ZFP62: variants seen among roughly 807,000 people sequenced by gnomAD.
The protein encoded by ZFP62 is zinc finger protein 62 homolog.
Under a neutral mutation model 56.4 loss-of-function variants are expected in ZFP62, and 44 were observed. The observed-to-expected ratio is 0.78, with a 90% confidence interval of 0.61 to 1.00. The LOEUF is 1.00. Ranked by LOEUF, ZFP62 falls within the 50% of genes least tolerant of loss-of-function variation. The pLI is 0.00. For missense variants in ZFP62, 1,030 were observed against 1,085.7 expected, an observed-to-expected ratio of 0.95 and a Z score of 0.72; for synonymous variants, 421 against 388.9, an observed-to-expected ratio of 1.08 and a Z score of -0.97.
At position 180,848,494 on chromosome 5, in the gene ZFP62, T is replaced by C; in HGVS notation, c.*298A>G. The C allele has an allele frequency of 9.1e-7, 1 of 1,103,954 alleles. No individual in the cohort carries two copies. The highest frequency in any genetic ancestry group is 1.1e-6 in the Non-Finnish European group (1 of 905,554). 68.4% of individuals were successfully genotyped at this position (1,103,954 alleles called of 1,614,324 possible). ...TTCTAATTGAAGCCCTTTCCTCATC[T>C]GTGTTTTATGTCCAGAAATGTCTAC... is the stretch of plus-strand genomic sequence containing the variant. On this transcript the variant is annotated 3_prime_UTR_variant, in exon 2 of 2. Transcript: ENST00000502412.
At chr5:180,834,646 T>C in the ZFP62 span, 1 of 151,744 alleles carries the variant, frequency 6.6e-6, no homozygotes, top group Admixed American at 6.6e-5. Flanking sequence ...ACCCAGTCTA[T>C]GGTAACTTGC....
the ZFP62 span, chr5:180,835,304 A>G: frequency 6.6e-6 from 1 of 152,216 alleles, no homozygotes; most frequent in Non-Finnish European, 1.5e-5. Context: ...ATGCCCTTGT[A>G]CCACACAACT....
Position 180,848,969 on chromosome 5 carries a change from A to G in ZFP62, c.2526T>C (p.Cys842=), listed in dbSNP as rs902251157. The G allele has an allele frequency of 3.2e-6, 5 of 1,551,762 alleles. No homozygotes were observed. Among genetic ancestry groups the G allele is most frequent in the Non-Finnish European group, 4.4e-6 (5 of 1,147,006 alleles). ...RIHTGKKPYR[C]NECGKAFNIR... ...TATTAAAAGCCTTACCACACTCATT[A>G]CATCGGTATGGCTTCTTTCCAGTGT... Residue 842 remains cysteine, a synonymous_variant, in exon 2 of 2, where the codon TGT becomes TGC. Coordinates refer to ENST00000502412, the MANE Select transcript of ZFP62 (RefSeq NM_001172638.2).
downstream of ZFP62, among the ~76,000 whole-genome samples, chr5:180,846,637 C>T (rs995507468): frequency 4.6e-5 from 7 of 152,122 alleles, no homozygotes; most frequent in East Asian, 7.7e-4. Context: ...CCCAATTCAA[C>T]GTCCTGCCCA....
chr5:180,827,132 A>C, the ZFP62 span, among the ~76,000 whole-genome samples: 1,547 of 152,330 alleles, frequency 0.01, 13 homozygotes, highest in Middle Eastern at 0.027. Flanking sequence ...TCAACAAGAC[A>C]AGCCTCTGTT....
chr5:180,849,128 C>G lies in ZFP62; in HGVS notation c.2367G>C (p.Glu789Asp), dbSNP rs752112016. ...HTGEKPYECD[E>D]CGKAYISHSS... ...AGTGTGAGATGTATGCCTTCCCACA[C>G]TCATCACATTCATAGGGTTTCTCAC... The change falls in exon 2 of 2, where the codon GAG (glutamate) becomes GAC (aspartate). Residue 789 changes from glutamate to aspartate, a missense_variant. By Grantham distance (45) the Glu-to-Asp change is conservative. Transcript: ENST00000502412. 9 of 1,561,166 alleles carry G rather than the reference C, an allele frequency of 5.8e-6. No individual in the cohort carries two copies. The highest frequency in any genetic ancestry group is 1.4e-5 in the African/African-American group (1 of 73,228).
At chr5:180,836,893 A>G in the ZFP62 span, among the ~76,000 whole-genome samples, 1 of 152,376 alleles carries the variant, frequency 6.6e-6, no homozygotes, top group East Asian at 1.9e-4. Flanking sequence ...AGTTGATAAA[A>G]AAGCTATACT....
Position 180,848,095 on chromosome 5 carries a change from T to C in ZFP62, c.*697A>G. On this transcript the variant is annotated 3_prime_UTR_variant, in exon 2 of 2. Transcript: ENST00000502412. Reference sequence around the variant, plus strand: ...AGTTCATCTGAAACTTTAAAAAAGTTTCATCCATTCAACTAATGTATCACA... The same window carrying C: ...AGTTCATCTGAAACTTTAAAAAAGTCTCATCCATTCAACTAATGTATCACA... 1 of 985,382 alleles carries C rather than the reference T, an allele frequency of 1.0e-6. No individual in the cohort carries two copies. Among genetic ancestry groups the C allele is most frequent in the Non-Finnish European group, 1.2e-6 (1 of 829,930 alleles). The allele number at this position is 985,382 out of a possible 1,614,324, so 61.0% of individuals were successfully genotyped here. A position where few individuals can be genotyped will look rare whatever the true frequency, so the allele number is the denominator to read the frequency against.
chr5:180,826,914 GC>G, the ZFP62 span, among the ~76,000 whole-genome samples: 1 of 152,200 alleles, frequency 6.6e-6, no homozygotes, highest in Non-Finnish European at 1.5e-5. Context: ...AGTTGAGAAA[GC>G]TTTAAAACAG....
At chr5:180,844,260 A>G (rs1013959517), downstream of ZFP62, among the ~76,000 whole-genome samples, 2 of 152,250 alleles carry the variant, frequency 1.3e-5, no homozygotes, top group South Asian at 2.1e-4. Flanking sequence ...ATAATCTTGT[A>G]AACAGGTCTT....
chr5:180,831,336 C>G, the ZFP62 span: 1 of 152,306 alleles, frequency 6.6e-6, no homozygotes, highest in Non-Finnish European at 1.5e-5. Context: ...GCCGGGGCGC[C>G]TCGGAGGGAA....
downstream of ZFP62, among the ~76,000 whole-genome samples, chr5:180,844,802 G>T (rs578214648): frequency 3.9e-5 from 6 of 152,218 alleles, no homozygotes; most frequent in Non-Finnish European, 7.3e-5. Context: ...TTTTGTCTGA[G>T]TAGGGGGTGG....
chr5:180,849,239 T>C lies in ZFP62; in HGVS notation c.2256A>G (p.Thr752=), dbSNP rs745819764. The C allele has an allele frequency of 7.7e-6, 12 of 1,557,338 alleles. No individual in the cohort carries two copies. In the East Asian group the frequency reaches 9.7e-5, roughly 13 times the overall value. ...SLLSQHKRIH[T]GEKPYVCDRC... Reference sequence around the variant, plus strand: ...TATCACACACATAGGGTTTCTCCCCTGTGTGGATCCTCTTGTGCTGAGAAA... The same window carrying C: ...TATCACACACATAGGGTTTCTCCCCCGTGTGGATCCTCTTGTGCTGAGAAA... The change falls in exon 2 of 2, where the codon ACA becomes ACG. Residue 752 remains threonine (T), a synonymous_variant. Transcript: ENST00000502412.
chr5:180,831,340 G>A, the ZFP62 span: 1 of 152,274 alleles, frequency 6.6e-6, no homozygotes, highest in South Asian at 2.1e-4. Context: ...GGGCGCCTCG[G>A]AGGGAAACCT....
At chr5:180,859,011 A>C (rs2113723414) in intron 1 of ZFP62, among the ~76,000 whole-genome samples, 1 of 152,304 alleles carries the variant, frequency 6.6e-6, no homozygotes, top group South Asian at 2.1e-4. Flanking sequence ...CAAGGCCTAG[A>C]AAAGTGAATG....
At position 180,850,333 on chromosome 5, in the gene ZFP62, T is replaced by C; in HGVS notation, c.1162A>G (p.Thr388Ala). 2 of 1,571,200 alleles carry C rather than the reference T, an allele frequency of 1.3e-6. No homozygotes were observed. The highest frequency in any genetic ancestry group is 1.7e-6 in the Non-Finnish European group (2 of 1,158,284). The change falls in exon 2 of 2, where the codon ACA becomes GCA. Residue 388 changes from threonine (T) to alanine (A), a missense_variant. By Grantham distance (58) the Thr-to-Ala change is moderately conservative (BLOSUM62 0). Coordinates refer to ENST00000502412, the MANE Select transcript of ZFP62 (RefSeq NM_001172638.2). The stretch of plus-strand genomic sequence containing the variant: ...TCACACTTGTAAGGTTTCTCTCCTG[T>C]GTGGATCCTTTTATGCACTATGAGG... ...SGLIVHKRIH[T>A]GEKPYKCDVC...
chr5:180,851,565 T>C (rs1773715395), intron 1 of ZFP62, 72 bp from the exon 2 acceptor site: 3 of 1,416,924 alleles, frequency 2.1e-6, no homozygotes, highest in Non-Finnish European at 1.9e-6. Flanking sequence ...GGAATAACAA[T>C]GAACAACATT....
chr5:180,841,398 C>T, the ZFP62 span, among the ~76,000 whole-genome samples: 20 of 152,014 alleles, frequency 1.3e-4, no homozygotes, highest in East Asian at 3.9e-3. Flanking sequence ...TTTGGATTCC[C>T]TTTAGAATTT....
downstream of ZFP62, among the ~76,000 whole-genome samples, chr5:180,844,994 T>C (rs1773380525): frequency 6.6e-6 from 1 of 152,144 alleles, no homozygotes; most frequent in South Asian, 2.1e-4. Context: ...CCAACCCTCA[T>C]TACAACCTGA....
Sources: gnomAD v4.1 joint callset for allele counts (sites outside exome capture counted in the v4.1 genomes callset) on GRCh38, gnomAD v4.1.1 for gene constraint, MANE v1.5 for transcripts, NCBI Gene and HGNC (gene_info 2026-07-23, HGNC 2026-07-21) for gene names.